ERC1: variants seen among roughly 807,000 people sequenced by gnomAD.
ERC1 encodes RAB6 interacting protein 2.
Under a neutral mutation model 132.0 loss-of-function variants are expected in ERC1, and 56 were observed. The ratio of observed to expected loss-of-function variants is 0.42; its 90% confidence interval spans 0.34 to 0.53. The LOEUF is 0.53. Ranked by LOEUF, ERC1 falls within the 20% of genes least tolerant of loss-of-function variation. ERC1 has a pLI of 0.03. For synonymous variants in ERC1, 478 were observed against 476.1 expected, an observed-to-expected ratio of 1.00 and a Z score of -0.05; for missense variants, 1,202 against 1,349.9, an observed-to-expected ratio of 0.89 and a Z score of 1.72.
chr12:1,460,215 C>A (rs750121310), intron 18 of ERC1, among the ~76,000 whole-genome samples: 1 of 152,100 alleles, frequency 6.6e-6, no homozygotes, highest in Non-Finnish European at 1.5e-5. Flanking sequence ...ATAAGATGTT[C>A]TTTTGAAATT....
At chr12:1,313,227 G>A (rs2081438108) in intron 15 of ERC1, among the ~76,000 whole-genome samples, 1 of 151,986 alleles carries the variant, frequency 6.6e-6, no homozygotes, top group Non-Finnish European at 1.5e-5. Context: ...AAAGGGACGT[G>A]CCAACTGGTT....
At chr12:1,357,930 A>C (rs1240516960) in intron 15 of ERC1, among the ~76,000 whole-genome samples, 1 of 152,172 alleles carries the variant, frequency 6.6e-6, no homozygotes. Context: ...GATTTGAGTA[A>C]ATCCCTAACA....
At chr12:1,204,852 G>A (rs1007546618) in intron 12 of ERC1, among the ~76,000 whole-genome samples, 7 of 152,214 alleles carry the variant, frequency 4.6e-5, no homozygotes, top group Middle Eastern at 3.4e-3. Flanking sequence ...GCTATTAAAC[G>A]GGGTAAAGTG....
At chr12:1,447,886 G>A (rs891325976) in intron 18 of ERC1, among the ~76,000 whole-genome samples, 1 of 152,152 alleles carries the variant, frequency 6.6e-6, no homozygotes, top group Non-Finnish European at 1.5e-5. Context: ...CTGAGCTCAG[G>A]CAGACGGCCT....
chr12:1,251,394 A>T (rs181438373), intron 13 of ERC1, among the ~76,000 whole-genome samples: 11 of 152,052 alleles, frequency 7.2e-5, no homozygotes, highest in Admixed American at 4.6e-4. Flanking sequence ...TTTAATAAAA[A>T]TTTTTTCTTA....
intron 15 of ERC1, among the ~76,000 whole-genome samples, chr12:1,361,124 CATGGAAGATGA>C (rs900652323): frequency 3.4e-5 from 5 of 145,262 alleles, no homozygotes; most frequent in Non-Finnish European, 6.0e-5. Context: ...AAAAGGTGGG[CATGGAAGATGA>C]ATGGAAGATA....
chr12:1,338,557 G>T (rs561378740), intron 15 of ERC1, among the ~76,000 whole-genome samples: 1 of 152,226 alleles, frequency 6.6e-6, no homozygotes, highest in Admixed American at 6.5e-5. Context: ...TCTCAACCCG[G>T]TTCAGAACCC....
At chr12:1,098,031 C>G (rs531816653) in intron 3 of ERC1, among the ~76,000 whole-genome samples, 1 of 152,150 alleles carries the variant, frequency 6.6e-6, no homozygotes, top group Non-Finnish European at 1.5e-5. Context: ...TATTTTGCTC[C>G]GCAAAGTTTT....
intron 3 of ERC1, among the ~76,000 whole-genome samples, chr12:1,099,068 T>A (rs1044895992): frequency 7.9e-5 from 12 of 152,300 alleles, no homozygotes; most frequent in Non-Finnish European, 1.2e-4. Context: ...CAGAAATGTG[T>A]TTGTTAGAGT....
intron 7 of ERC1, among the ~76,000 whole-genome samples, chr12:1,123,942 G>GCT (rs969836017): frequency 6.6e-6 from 1 of 152,214 alleles, no homozygotes; most frequent in Non-Finnish European, 1.5e-5. Context: ...GTTGCAGTGA[G>GCT]CTAAGATCAT....
intron 18 of ERC1, among the ~76,000 whole-genome samples, chr12:1,481,229 C>T (rs1022353816): frequency 6.6e-5 from 10 of 152,092 alleles, no homozygotes; most frequent in Non-Finnish European, 1.5e-4. Context: ...AAGGGGGCGC[C>T]GCCGTATTTT....
intron 12 of ERC1, among the ~76,000 whole-genome samples, chr12:1,221,507 T>A (rs1336874351): frequency 6.6e-6 from 1 of 152,200 alleles, no homozygotes; most frequent in African/African-American, 2.4e-5. Context: ...TAAAAGTGTT[T>A]ATGTAAAACT....
chr12:1,423,326 C>T (rs1223719060), intron 17 of ERC1, among the ~76,000 whole-genome samples: 1 of 152,220 alleles, frequency 6.6e-6, no homozygotes, highest in Non-Finnish European at 1.5e-5. Context: ...CACTTATGGC[C>T]TAAGGCTGCC....
At chr12:1,472,026 C>T (rs59053653) in intron 18 of ERC1, among the ~76,000 whole-genome samples, 29,821 of 152,158 alleles carry the variant, frequency 0.2, 6,860 homozygotes, top group African/African-American at 0.56. Context: ...CTAGTAGTTC[C>T]TGTAGCTCCC....
intron 15 of ERC1, among the ~76,000 whole-genome samples, chr12:1,354,437 C>T (rs2085329915): frequency 6.6e-6 from 1 of 151,846 alleles, no homozygotes; most frequent in Non-Finnish European, 1.5e-5. Context: ...GCAGGAGAAT[C>T]ATTTGAACCT....
intron 17 of ERC1, among the ~76,000 whole-genome samples, chr12:1,432,214 T>C (rs1391481303): frequency 6.6e-6 from 1 of 152,238 alleles, no homozygotes; most frequent in Non-Finnish European, 1.5e-5. Flanking sequence ...TCTGCTGTTG[T>C]AGTGTGAAAG....
At chr12:1,235,015 T>A (rs558872645) in intron 12 of ERC1, among the ~76,000 whole-genome samples, 1 of 152,328 alleles carries the variant, frequency 6.6e-6, no homozygotes, top group African/African-American at 2.4e-5. Flanking sequence ...TGGACAAGAT[T>A]TTGTGGAAAT....
intron 13 of ERC1, among the ~76,000 whole-genome samples, chr12:1,250,859 T>A (rs1382300579): frequency 6.6e-6 from 1 of 152,190 alleles, no homozygotes; most frequent in Non-Finnish European, 1.5e-5. Flanking sequence ...GTATCTGAAT[T>A]TAACCTTGAA....
chr12:1,083,675 C>A, intron 3 of ERC1, 95 bp downstream of exon 3: 1 of 948,986 alleles, frequency 1.1e-6, no homozygotes, highest in Non-Finnish European at 1.6e-6. Flanking sequence ...ACGTGCTCTG[C>A]CGTGCTGGTG....
Sources: gnomAD v4.1 joint callset for allele counts (sites outside exome capture counted in the v4.1 genomes callset) on GRCh38, gnomAD v4.1.1 for gene constraint, MANE v1.5 for transcripts, NCBI Gene and HGNC (gene_info 2026-07-23, HGNC 2026-07-21) for gene names.